CLSTN1: variants seen among roughly 807,000 people sequenced by gnomAD.
The protein encoded by CLSTN1 is calsyntenin-1.
CLSTN1 carries 28 observed loss-of-function variants against 108.3 expected under a neutral mutation model. That is an observed-to-expected ratio of 0.26 (90% CI 0.19 to 0.35). The LOEUF (loss-of-function observed/expected upper bound fraction) is 0.35, where lower values mean the gene tolerates loss of function less well. Ranked by LOEUF, CLSTN1 falls within the 10% of genes least tolerant of loss-of-function variation. The pLI, the probability that CLSTN1 is intolerant of heterozygous loss-of-function variation, is 1.00. For synonymous variants in CLSTN1, 524 were observed against 534.9 expected (o/e 0.98, Z 0.28); for missense variants, 1,157 against 1,302.6 (o/e 0.89, Z 1.72).
chr1:9,745,004 G>C (rs907676034), intron 7 of CLSTN1, among the ~76,000 whole-genome samples: 3 of 152,010 alleles, frequency 2.0e-5, no homozygotes, highest in South Asian at 4.1e-4. Context: ...CGCCTGACTC[G>C]GCCTCCAAAA....
At position 9,772,016 on chromosome 1, in the gene CLSTN1, G is replaced by A. The variant is rs552641406; in HGVS notation, c.214+1256C>T. Among the ~76,000 whole-genome samples the A allele has an allele frequency of 5.5e-5, 8 of 146,488 alleles. 1 individual carries two copies. The highest frequency in any genetic ancestry group is 4.2e-4 in the Admixed American group (6 of 14,438). On this transcript the variant is annotated intron_variant, in intron 2 of 18. Transcript: ENST00000377298. ...TTCTGAGACAGAGTCTCACTCTGTCGCCCAGGCTGGAGTGCAGTGGCGCGA... is the reference window on the plus strand; with the variant it reads ...TTCTGAGACAGAGTCTCACTCTGTCACCCAGGCTGGAGTGCAGTGGCGCGA...
rs531776303 is a variant in CLSTN1, at chr1:9,757,488, G to A, written c.215-978C>T. On this transcript the variant is annotated intron_variant, in intron 2 of 18. Transcript: ENST00000377298. ...GATCTCCTGACCTCATGATCCACCCGCCTCGGCCTCCCAAAGTGCTGGGAT... is the reference window on the plus strand; with the variant it reads ...GATCTCCTGACCTCATGATCCACCCACCTCGGCCTCCCAAAGTGCTGGGAT... Among the ~76,000 whole-genome samples the A allele has an allele frequency of 4.7e-3, 711 of 150,236 alleles. 4 individuals carry two copies. Among genetic ancestry groups the A allele is most frequent in the Non-Finnish European group, 7.6e-3 (512 of 67,270 alleles).
At chr1:9,731,973 C>T in intron 16 of CLSTN1, 77 bp from the exon 17 acceptor site, 10 of 1,578,508 alleles carry the variant, frequency 6.3e-6, no homozygotes, top group Non-Finnish European at 8.7e-6. Flanking sequence ...AGTCCCGCAG[C>T]TGGCATGACC....
chr1:9,730,475 G>A lies in CLSTN1; in HGVS notation c.*33C>T, dbSNP rs769162588. 8.8e-6 allele frequency: 14 copies of A among 1,587,850 alleles called. No individual in the cohort carries two copies. Among genetic ancestry groups the A allele is most frequent in the Admixed American group, 3.3e-5 (2 of 59,986 alleles). On this transcript the variant is annotated 3_prime_UTR_variant, in exon 19 of 19. Transcript: ENST00000377298. This position sits in a 1 kb window ranked among gnomAD's most constrained non-coding sequence, Gnocchi z 5.6. ...GAGAACGGATGGCAGCAGAGTCTTC[G>A]AAAGCAGAAACCGAGGTGGCCGGGG...
intron 1 of CLSTN1, among the ~76,000 whole-genome samples, chr1:9,805,295 T>A (rs1456581777): frequency 6.6e-6 from 1 of 152,196 alleles, no homozygotes; most frequent in Non-Finnish European, 1.5e-5. Context: ...GTCCCCTAGT[T>A]GTATCTTGAC....
At chr1:9,767,249 T>A (rs1288853091) in intron 2 of CLSTN1, among the ~76,000 whole-genome samples, 1 of 152,030 alleles carries the variant, frequency 6.6e-6, no homozygotes, top group Non-Finnish European at 1.5e-5. Flanking sequence ...CTGCGTAAGA[T>A]TGGAGAAGAG....
rs1651588397 is a variant in CLSTN1, at chr1:9,752,151, C to T, written c.441-470G>A. 3.3e-5 allele frequency among the ~76,000 whole-genome samples: 5 copies of T among 152,240 alleles called. No homozygotes were observed. The South Asian group carries it at 1.0e-3, about 32-fold the overall frequency. On this transcript the variant is annotated intron_variant, in intron 4 of 18. Transcript: ENST00000377298. ...ATGAAATGGTTTGATTCTGAGAGTT[C>T]AAACGAATTCTGTCCTACTTCTAGG...
chr1:9,759,861 G>A (rs953729202), intron 2 of CLSTN1, among the ~76,000 whole-genome samples: 3 of 152,182 alleles, frequency 2.0e-5, no homozygotes, highest in African/African-American at 7.2e-5. Flanking sequence ...AATATTACAT[G>A]TTTTGATGCA....
chr1:9,764,626 G>A (rs1652235470), intron 2 of CLSTN1, among the ~76,000 whole-genome samples: 1 of 134,302 alleles, frequency 7.4e-6, no homozygotes, highest in Admixed American at 8.0e-5. Context: ...GATGAAGTGA[G>A]GCTCCATCTT....
Position 9,814,836 on chromosome 1 carries a change from G to A in CLSTN1, c.91+8807C>T, listed in dbSNP as rs548607513. Among the ~76,000 whole-genome samples, 12 of 151,702 alleles carry A rather than the reference G, an allele frequency of 7.9e-5. No individual in the cohort carries two copies. The East Asian group carries it at 1.8e-3, about 22-fold the overall frequency. Reference sequence around the variant, plus strand: ...ATAGTTTAAGCCAAGGGAGGTTGAGGCTGCAGTGAGCTGTGATTGTGCCAC... The same window carrying A: ...ATAGTTTAAGCCAAGGGAGGTTGAGACTGCAGTGAGCTGTGATTGTGCCAC... On this transcript the variant is annotated intron_variant, in intron 1 of 18. Transcript: ENST00000377298.
chr1:9,778,982 C>T (rs1653104301), intron 1 of CLSTN1, among the ~76,000 whole-genome samples: 1 of 150,474 alleles, frequency 6.6e-6, no homozygotes, highest in East Asian at 2.0e-4. Context: ...AAGACCGTGC[C>T]ATTGCACTCC....
At chr1:9,814,247 C>CAAAAAAAAAAAA (rs558624346) in intron 1 of CLSTN1, among the ~76,000 whole-genome samples, 3 of 94,912 alleles carry the variant, frequency 3.2e-5, no homozygotes, top group East Asian at 3.0e-4. Flanking sequence ...CCATCTCTAC[C>CAAAAAAAAAAAA]AAAAAAAAAA....
intron 1 of CLSTN1, among the ~76,000 whole-genome samples, chr1:9,777,360 T>C (rs1004361150): frequency 1.3e-5 from 2 of 151,414 alleles, no homozygotes; most frequent in Non-Finnish European, 2.9e-5. Context: ...CTGTCTTTAC[T>C]ATAAATACAA....
At position 9,729,488 on chromosome 1, in the gene CLSTN1, G is replaced by C. The variant is rs1650216380; in HGVS notation, c.*1020C>G. ...GAAAATTCCAGCACTTTGACTTCGG[G>C]CCATGCGTCTCTCCTGGACGTTCTG... On this transcript the variant is annotated 3_prime_UTR_variant, in exon 19 of 19. Coordinates refer to ENST00000377298, the MANE Select transcript of CLSTN1 (RefSeq NM_001009566.3). The C allele has an allele frequency of 6.6e-6, 1 of 152,592 alleles. No individual in the cohort carries two copies. Among genetic ancestry groups the C allele is most frequent in the Non-Finnish European group, 1.5e-5 (1 of 68,050 alleles). The allele number at this position is 152,592 out of a possible 1,614,324, so 9.5% of individuals were successfully genotyped here.
chr1:9,784,172 CAAAAAAAA>C (rs34315931), intron 1 of CLSTN1, among the ~76,000 whole-genome samples: 2 of 83,712 alleles, frequency 2.4e-5, no homozygotes, highest in Non-Finnish European at 4.8e-5. Flanking sequence ...AACTCTATCT[CAAAAAAAA>C]AAAAAAAAAA....
chr1:9,790,930 G>T (rs146315404), intron 1 of CLSTN1, among the ~76,000 whole-genome samples: 4 of 151,110 alleles, frequency 2.6e-5, no homozygotes, highest in African/African-American at 9.7e-5. Context: ...TCAGGAGATC[G>T]AGATCATCCT....
chr1:9,797,840 T>G (rs1303489021), intron 1 of CLSTN1, among the ~76,000 whole-genome samples: 1 of 151,740 alleles, frequency 6.6e-6, no homozygotes, highest in Admixed American at 6.6e-5. Flanking sequence ...CTCAATCGAT[T>G]AAAAATAGAA....
At chr1:9,819,901 A>G (rs1655128308) in intron 1 of CLSTN1, among the ~76,000 whole-genome samples, 1 of 152,192 alleles carries the variant, frequency 6.6e-6, no homozygotes, top group Non-Finnish European at 1.5e-5. Flanking sequence ...CTTCCCAAAA[A>G]AGCTGAAAAT....
At chr1:9,750,331 C>T (rs560438721) in intron 5 of CLSTN1, among the ~76,000 whole-genome samples, 2 of 152,264 alleles carry the variant, frequency 1.3e-5, no homozygotes, top group East Asian at 1.9e-4. Context: ...CAGAAGCCTG[C>T]TTTTTGAACG....
Sources: allele counts gnomAD v4.1 joint callset (sites outside exome capture counted in the v4.1 genomes callset), GRCh38; gene constraint gnomAD v4.1.1; non-coding constraint Gnocchi (gnomAD v3.1); transcripts MANE v1.5; gene names NCBI Gene and HGNC (gene_info 2026-07-23, HGNC 2026-07-21).